CTNS: variants seen among roughly 807,000 people sequenced by gnomAD.
CTNS encodes cystinosin, lysosomal cystine transporter, also known as cystinosin.
In CTNS, 27 loss-of-function variants were observed where a neutral mutation model predicts 43.7. The observed-to-expected ratio is 0.62, with a 90% CI of 0.46 to 0.85. The LOEUF is 0.85. Ranked by LOEUF, CTNS falls within the 40% of genes least tolerant of loss-of-function variation. The pLI is 0.00. For missense variants in CTNS, 457 were observed against 475.4 expected (o/e 0.96, Z 0.36); for synonymous variants, 187 against 190.6 (o/e 0.98, Z 0.16).
rs1432976867 is a variant in CTNS, at chr17:3,661,698, G to A, written c.*1329G>A. Among the ~76,000 whole-genome samples the A allele has an allele frequency of 2.0e-5, 3 of 152,200 alleles. No individual in the cohort carries two copies. The highest frequency in any genetic ancestry group is 2.1e-4 in the South Asian group (1 of 4,836). ...TCACTGGGGAGCCCTCTTGGGTAGCGCGAGACGCCTACCCGCCCAGGGCCA... is the reference window on the plus strand; with the variant it reads ...TCACTGGGGAGCCCTCTTGGGTAGCACGAGACGCCTACCCGCCCAGGGCCA... On this transcript the variant is annotated 3_prime_UTR_variant, in exon 12 of 12. Transcript: ENST00000046640.
intron 10 of CTNS, among the ~76,000 whole-genome samples, chr17:3,659,594 C>A (rs2076237969): frequency 6.6e-6 from 1 of 152,232 alleles, no homozygotes; most frequent in African/African-American, 2.4e-5. Flanking sequence ...GCCGCATCGG[C>A]CCCGCCTCTG....
chr17:3,648,988 G>A, intron 5 of CTNS, 57 bp downstream of exon 5: 1 of 1,401,798 alleles, frequency 7.1e-7, no homozygotes, highest in Non-Finnish European at 1.0e-6. Context: ...GAACACATTT[G>A]AATTAAGAGC....
Position 3,660,493 on chromosome 17 carries a change from G to A in CTNS, c.*124G>A. On this transcript the variant is annotated 3_prime_UTR_variant, in exon 12 of 12. Transcript: ENST00000046640. ...GGGCTGGCTCAGTGTGCGGACAGAG[G>A]AGACCACTCTGCTCCTGGGGCCAGA... 3.1e-6 allele frequency: 5 copies of A among 1,612,634 alleles called. No homozygotes were observed. The highest frequency in any genetic ancestry group is 4.2e-6 in the Non-Finnish European group (5 of 1,179,950).
intron 5 of CTNS, among the ~76,000 whole-genome samples, chr17:3,652,197 C>T (rs2076003751): frequency 6.6e-6 from 1 of 152,132 alleles, no homozygotes; most frequent in South Asian, 2.1e-4. Context: ...TTGGGTAAGG[C>T]ACTTCACCCC....
intron 3 of CTNS, among the ~76,000 whole-genome samples, chr17:3,645,721 G>A (rs1281949184): frequency 6.6e-6 from 1 of 151,938 alleles, no homozygotes; most frequent in East Asian, 1.9e-4. Flanking sequence ...TTAGCCAGAC[G>A]TGGTGCTGCA....
In CTNS at chr17:3,661,206, GC is replaced by G. The variant is rs1352635542; in HGVS notation, c.*839del. 1 of 206,270 alleles carries G rather than the reference GC, an allele frequency of 4.8e-6. No individual in the cohort carries two copies. The highest frequency in any genetic ancestry group is 1.0e-5 in the Non-Finnish European group (1 of 99,634). 12.8% of individuals were successfully genotyped at this position (206,270 alleles called of 1,614,324 possible). A position where few individuals can be genotyped will look rare whatever the true frequency, so the allele number is the denominator to read the frequency against. Reference sequence around the variant, plus strand: ...AGTCTGTGCCTTAGAGGTCTGTTAGGCCTGCCAAACGGCGACCAGCTCCCCT... The same window carrying G: ...AGTCTGTGCCTTAGAGGTCTGTTAGGCTGCCAAACGGCGACCAGCTCCCCT... On this transcript the variant is annotated 3_prime_UTR_variant, in exon 12 of 12. Coordinates refer to ENST00000046640, the MANE Select transcript of CTNS (RefSeq NM_004937.3).
At chr17:3,659,798 C>A (rs1166194276) in intron 10 of CTNS, 60 bp from the exon 11 acceptor site, 1 of 1,254,528 alleles carries the variant, frequency 8.0e-7, no homozygotes, top group African/African-American at 1.5e-5. Flanking sequence ...TCACGAGGCG[C>A]ATGAGGCAGC....
intron 5 of CTNS, chr17:3,650,451 C>A: frequency 8.6e-7 from 1 of 1,161,396 alleles, no homozygotes; most frequent in Non-Finnish European, 1.2e-6. Flanking sequence ...CACTGCCCTC[C>A]AGCCTGAGTG....
Position 3,654,981 on chromosome 17 carries a change from C to T in CTNS, c.226-17C>T. ...AACTGTACGTGGCATCGGATTGAAC[C>T]TCAGTCTTCCTAACAGGTTGTGGTG... On this transcript the variant is annotated splice_polypyrimidine_tract_variant and intron_variant, in intron 5 of 11. Transcript: ENST00000046640. 1.0e-5 allele frequency: 16 copies of T among 1,586,688 alleles called. No homozygotes were observed. Among genetic ancestry groups the T allele is most frequent in the Non-Finnish European group, 1.4e-5 (16 of 1,154,872 alleles).
chr17:3,661,126 C>CTA lies in CTNS; in HGVS notation c.*757_*758insTA. The CTA allele has an allele frequency of 3.0e-6, 1 of 335,348 alleles. No individual in the cohort carries two copies. The highest frequency in any genetic ancestry group is 5.8e-6 in the Non-Finnish European group (1 of 171,536). The allele number at this position is 335,348 out of a possible 1,614,324, so 20.8% of individuals were successfully genotyped here. On this transcript the variant is annotated 3_prime_UTR_variant, in exon 12 of 12. Coordinates refer to ENST00000046640, the MANE Select transcript of CTNS (RefSeq NM_004937.3). Reference sequence around the variant, plus strand: ...TCAGATTAGCCCCATCTGAGCACATCCAGCTGCTCCTTACCCAGCATCTGG... The same window carrying CTA: ...TCAGATTAGCCCCATCTGAGCACATCTACAGCTGCTCCTTACCCAGCATCTGG...
Position 3,661,057 on chromosome 17 carries a change from G to A in CTNS, c.*688G>A, listed in dbSNP as rs139523410. ...TTCAGATTTTTTGGAGGGACGTTTGGAAGTGGCTTACTCTCTTCTGCCCTC... is the reference window on the plus strand; with the variant it reads ...TTCAGATTTTTTGGAGGGACGTTTGAAAGTGGCTTACTCTCTTCTGCCCTC... On this transcript the variant is annotated 3_prime_UTR_variant, in exon 12 of 12. Coordinates refer to ENST00000046640, the MANE Select transcript of CTNS (RefSeq NM_004937.3). 4.5e-5 allele frequency: 18 copies of A among 399,336 alleles called. No homozygotes were observed. The highest frequency in any genetic ancestry group is 8.6e-5 in the Non-Finnish European group (18 of 209,536). The allele number at this position is 399,336 out of a possible 1,614,324, so 24.7% of individuals were successfully genotyped here.
chr17:3,650,176 G>T (rs758156677), intron 5 of CTNS: 4 of 1,550,200 alleles, frequency 2.6e-6, no homozygotes, highest in Non-Finnish European at 3.5e-6. Context: ...TAATAAAGCT[G>T]GTGGAAGCAG....
At chr17:3,652,908 C>T (rs911159113) in intron 5 of CTNS, among the ~76,000 whole-genome samples, 6 of 152,220 alleles carry the variant, frequency 3.9e-5, no homozygotes, top group African/African-American at 1.4e-4. Context: ...TTCAGTTGTC[C>T]TGCCAAAGCC....
intron 5 of CTNS, among the ~76,000 whole-genome samples, chr17:3,654,088 A>T (rs431416): frequency 0.88 from 134,465 of 152,160 alleles, 61,635 homozygotes; most frequent in Non-Finnish European, 1. Context: ...TTTGTGGACA[A>T]GGAGGAGCCC....
intron 3 of CTNS, 106 bp downstream of exon 3, chr17:3,640,373 CAT>C (rs1597597028): frequency 1.6e-6 from 2 of 1,245,592 alleles, no homozygotes; most frequent in Admixed American, 1.7e-5. Flanking sequence ...ATTCAGACCA[CAT>C]GTCTCTGTCT....
chr17:3,650,345 A>G (rs1423854120), intron 5 of CTNS: 3 of 1,547,292 alleles, frequency 1.9e-6, no homozygotes, highest in Admixed American at 2.0e-5. Flanking sequence ...CGCTGGCTGC[A>G]GAGATGTGCA....
intron 3 of CTNS, among the ~76,000 whole-genome samples, chr17:3,641,384 A>ATATATATTTTTTTTTT (rs1555558526): frequency 1.3e-4 from 4 of 31,204 alleles, no homozygotes; most frequent in African/African-American, 9.3e-4. Flanking sequence ...ATATATATAT[A>ATATATATTTTTTTTTT]TTTTTTTTTT....
chr17:3,660,150 AC>A, intron 11 of CTNS, 85 bp from the exon 12 acceptor site: 2 of 1,583,228 alleles, frequency 1.3e-6, no homozygotes, highest in Non-Finnish European at 1.7e-6. Flanking sequence ...GTTTTCTGGG[AC>A]CCCCACCGCC....
chr17:3,662,033 G>C lies in CTNS; in HGVS notation c.*1664G>C, dbSNP rs910823423. ...TTTCAAATGATTGACTTTTCCGGCT[G>C]AGTGCGGTGGCTCACGCCTGTAATC... On this transcript the variant is annotated 3_prime_UTR_variant, in exon 12 of 12. Coordinates refer to ENST00000046640, the MANE Select transcript of CTNS (RefSeq NM_004937.3). Among the ~76,000 whole-genome samples, 3 of 152,186 alleles carry C rather than the reference G, an allele frequency of 2.0e-5. No homozygotes were observed. Among genetic ancestry groups the C allele is most frequent in the African/African-American group, 7.2e-5 (3 of 41,446 alleles).
Sources: gnomAD v4.1 joint callset for allele counts (sites outside exome capture counted in the v4.1 genomes callset) on GRCh38, gnomAD v4.1.1 for gene constraint, MANE v1.5 for transcripts, NCBI Gene and HGNC (gene_info 2026-07-23, HGNC 2026-07-21) for gene names.